SLC43A1: variants seen among roughly 807,000 people sequenced by gnomAD.
SLC43A1 encodes the protein solute carrier family 43 member 1.
A neutral mutation model predicts 59.5 loss-of-function variants in SLC43A1; 31 were observed. The observed-to-expected ratio is 0.52, with a 90% CI of 0.39 to 0.70. SLC43A1 has a LOEUF of 0.70. Ranked by LOEUF, SLC43A1 falls within the 30% of genes least tolerant of loss-of-function variation. The pLI, the probability that SLC43A1 is intolerant of heterozygous loss-of-function variation, is 0.00. For missense variants in SLC43A1, 598 were observed against 717.8 expected, an observed-to-expected ratio of 0.83 and a Z score of 1.91; for synonymous variants, 259 against 290.9, an observed-to-expected ratio of 0.89 and a Z score of 1.12.
chr11:57,513,928 C>A (rs899137740), intron 2 of SLC43A1, 30 bp downstream of exon 2: 1 of 1,225,490 alleles, frequency 8.2e-7, no homozygotes. Flanking sequence ...ATCCCTCCCC[C>A]CAGCCCACCC....
At chr11:57,504,013 G>T (rs1371113653) in intron 2 of SLC43A1, among the ~76,000 whole-genome samples, 1 of 151,966 alleles carries the variant, frequency 6.6e-6, no homozygotes. Flanking sequence ...CTAACACGGT[G>T]AAACCCCATC....
chr11:57,487,274 C>T, intron 13 of SLC43A1, 56 bp from the exon 14 acceptor site: 1 of 1,585,842 alleles, frequency 6.3e-7, no homozygotes. Context: ...CCCAGGCCAG[C>T]ACCTCTCCTA....
In SLC43A1 at chr11:57,491,085, C is replaced by T. The variant is rs1025343783; in HGVS notation, c.1193+139G>A. On this transcript the variant is annotated intron_variant, in intron 11 of 14. Coordinates refer to ENST00000278426, the MANE Select transcript of SLC43A1 (RefSeq NM_003627.6). ...GGTCCCTTCCTAGCCTCAGTTTCCT[C>T]ATCTGTAAAATGGGGAGGTACCCCT... 6.4e-6 allele frequency: 7 copies of T among 1,087,110 alleles called. No homozygotes were observed. The African/African-American group carries it at 1.1e-4, about 17-fold the overall frequency. The allele number at this position is 1,087,110 out of a possible 1,614,324, so 67.3% of individuals were successfully genotyped here. A position where few individuals can be genotyped will look rare whatever the true frequency, so the allele number is the denominator to read the frequency against.
rs1018886353 is a variant in SLC43A1, at chr11:57,504,074, G to A, written c.155-2745C>T. On this transcript the variant is annotated intron_variant, in intron 2 of 14. Coordinates refer to ENST00000278426, the MANE Select transcript of SLC43A1 (RefSeq NM_003627.6). The stretch of plus-strand genomic sequence containing the variant: ...TAGCCGGGCGTGGTGGTGGGCGCCC[G>A]TAGTCCCAGCTACTTGGGAGGCTGA... Among the ~76,000 whole-genome samples, 18 of 152,190 alleles carry A rather than the reference G, an allele frequency of 1.2e-4. 1 individual carries two copies. Among genetic ancestry groups the A allele is most frequent in the Admixed American group, 5.9e-4 (9 of 15,274 alleles).
intron 14 of SLC43A1, among the ~76,000 whole-genome samples, 184 bp from the exon 15 acceptor site, chr11:57,485,426 G>A (rs756408131): frequency 6.6e-6 from 1 of 152,232 alleles, no homozygotes. Context: ...CTGCAAAGTG[G>A]CTGAGATGAG....
At chr11:57,499,193 G>A (rs944197455) in intron 5 of SLC43A1, among the ~76,000 whole-genome samples, 1 of 151,890 alleles carries the variant, frequency 6.6e-6, no homozygotes, top group African/African-American at 2.4e-5. Flanking sequence ...GCGTGGAGGC[G>A]TGCACCTGTA....
At chr11:57,492,570 AT>A (rs1565128011) in intron 8 of SLC43A1, among the ~76,000 whole-genome samples, 25 of 20,428 alleles carry the variant, frequency 1.2e-3, no homozygotes, top group East Asian at 6.0e-3. Context: ...ATATATATAT[AT>A]ATAAAAAAAT....
intron 2 of SLC43A1, among the ~76,000 whole-genome samples, chr11:57,502,396 G>A (rs1166842443): frequency 6.6e-6 from 1 of 152,222 alleles, no homozygotes; most frequent in African/African-American, 2.4e-5. Flanking sequence ...GGATTAAATT[G>A]GAGACAGTAA....
intron 10 of SLC43A1, 69 bp from the exon 11 acceptor site, chr11:57,491,431 G>T (rs887933097): frequency 6.4e-7 from 1 of 1,556,636 alleles, no homozygotes; most frequent in Non-Finnish European, 8.7e-7. Flanking sequence ...CCCTTCCAGC[G>T]GAGGCCAGAG....
chr11:57,513,214 G>C (rs1944597342), intron 2 of SLC43A1, among the ~76,000 whole-genome samples: 1 of 152,180 alleles, frequency 6.6e-6, no homozygotes, highest in Non-Finnish European at 1.5e-5. Context: ...CACAGAGGTT[G>C]GGGAAAGGGG....
In SLC43A1 at chr11:57,514,917, C is replaced by T; in HGVS notation, c.-14+527G>A. On this transcript the variant is annotated intron_variant, in intron 1 of 14. Coordinates refer to ENST00000278426, the MANE Select transcript of SLC43A1 (RefSeq NM_003627.6). This position sits in a 1 kb window ranked among gnomAD's most constrained non-coding sequence, Gnocchi z 5.5. ...AGGGCAGCGGTGGCGGATGGGCTGG[C>T]GGGCGGGTGTGTTTACCAAAGGGAG... 1.0e-6 allele frequency: 1 copy of T among 976,502 alleles called. No homozygotes were observed. The highest frequency in any genetic ancestry group is 5.3e-4 in the Middle Eastern group (1 of 1,892). 60.5% of individuals were successfully genotyped at this position (976,502 alleles called of 1,614,324 possible). A position where few individuals can be genotyped will look rare whatever the true frequency, so the allele number is the denominator to read the frequency against.
Position 57,497,670 on chromosome 11 carries a change from C to T in SLC43A1, c.558+83G>A, listed in dbSNP as rs367946128. On this transcript the variant is annotated intron_variant, in intron 6 of 14. Transcript: ENST00000278426. The stretch of plus-strand genomic sequence containing the variant: ...GAAAGGAGAGCGGAGAAGTCAGACC[C>T]GTGGGTCAGCACTAGCTGCTGCTCA... 204 of 982,076 alleles carry T rather than the reference C, an allele frequency of 2.1e-4. 1 individual carries two copies. Among genetic ancestry groups the T allele is most frequent in the African/African-American group, 2.0e-3 (127 of 62,126 alleles). The allele number at this position is 982,076 out of a possible 1,614,324, so 60.8% of individuals were successfully genotyped here. A position where few individuals can be genotyped will look rare whatever the true frequency, so the allele number is the denominator to read the frequency against.
intron 2 of SLC43A1, among the ~76,000 whole-genome samples, chr11:57,504,794 C>T (rs1565138900): frequency 6.6e-6 from 1 of 152,222 alleles, no homozygotes; most frequent in Non-Finnish European, 1.5e-5. Flanking sequence ...AGAATCCATT[C>T]CCGTGAAATG....
chr11:57,501,271 C>G lies in SLC43A1; in HGVS notation c.213G>C (p.Gln71His). The G allele has an allele frequency of 2.5e-6, 4 of 1,612,174 alleles. No individual in the cohort carries two copies. Among genetic ancestry groups the G allele is most frequent in the Non-Finnish European group, 3.4e-6 (4 of 1,180,024 alleles). ...AGCCCAGGTTGAGCATCTCGTCCTG[C>G]TGGTCACAGCCTGGCCACCTGCGCT... ...DEQRRWPGCD[Q>H]QDEMLNLGFT... The change falls in exon 3 of 15, where the codon CAG becomes CAC. Residue 71 changes from glutamine to histidine, a missense_variant. Physicochemically the swap from Gln to His is conservative, Grantham distance 24. Transcript: ENST00000278426.
In SLC43A1 at chr11:57,504,482, C is replaced by T. The variant is rs533724509; in HGVS notation, c.155-3153G>A. Reference sequence around the variant, plus strand: ...TTTCCCTCACAAACAATCCCACTAGCGTGCAAATTTACACCTACTTTGTGC... The same window carrying T: ...TTTCCCTCACAAACAATCCCACTAGTGTGCAAATTTACACCTACTTTGTGC... On this transcript the variant is annotated intron_variant, in intron 2 of 14. Coordinates refer to ENST00000278426, the MANE Select transcript of SLC43A1 (RefSeq NM_003627.6). Among the ~76,000 whole-genome samples, 280 of 152,300 alleles carry T rather than the reference C, an allele frequency of 1.8e-3. 1 individual carries two copies. Among genetic ancestry groups the T allele is most frequent in the African/African-American group, 6.4e-3 (264 of 41,562 alleles).
intron 2 of SLC43A1, among the ~76,000 whole-genome samples, chr11:57,509,282 A>C (rs1164707532): frequency 6.6e-6 from 1 of 151,916 alleles, no homozygotes; most frequent in Non-Finnish European, 1.5e-5. Context: ...ATAAGAGCTA[A>C]AACTACAAAA....
chr11:57,511,099 TA>T (rs1366258527), intron 2 of SLC43A1, among the ~76,000 whole-genome samples: 1 of 152,014 alleles, frequency 6.6e-6, no homozygotes, highest in Non-Finnish European at 1.5e-5. Flanking sequence ...CAGCAATTCC[TA>T]AGAAAAATGA....
At chr11:57,490,484 G>A (rs1294586821) in intron 11 of SLC43A1, among the ~76,000 whole-genome samples, 1 of 152,180 alleles carries the variant, frequency 6.6e-6, no homozygotes, top group Non-Finnish European at 1.5e-5. Context: ...CTGAGATTAT[G>A]TGAGAGAAGA....
intron 2 of SLC43A1, 51 bp from the exon 3 acceptor site, chr11:57,501,380 C>T: frequency 6.3e-7 from 1 of 1,586,050 alleles, no homozygotes; most frequent in Non-Finnish European, 8.6e-7. Flanking sequence ...AACAGCTGGG[C>T]ACAGGAGACA....
Sources: allele counts gnomAD v4.1 joint callset (sites outside exome capture counted in the v4.1 genomes callset), GRCh38; gene constraint gnomAD v4.1.1; non-coding constraint Gnocchi (gnomAD v3.1); transcripts MANE v1.5; gene names NCBI Gene and HGNC (gene_info 2026-07-23, HGNC 2026-07-21).